Variants in YWHAH observed in about 807,000 individuals in gnomAD.
YWHAH encodes the protein tyrosine 3-monooxygenase/tryptophan 5-monooxygenase activation protein eta, also known as 14-3-3 protein eta.
YWHAH carries 6 observed loss-of-function variants against 22.9 expected under a neutral mutation model. That is an observed-to-expected ratio of 0.26 (90% CI 0.14 to 0.52). YWHAH has a LOEUF of 0.52. Ranked by LOEUF, YWHAH falls within the 20% of genes least tolerant of loss-of-function variation. The pLI, the probability that YWHAH is intolerant of heterozygous loss-of-function variation, is 0.97. For synonymous variants in YWHAH, 135 were observed against 124.5 expected, an observed-to-expected ratio of 1.08 and a Z score of -0.56; for missense variants, 173 against 308.6, an observed-to-expected ratio of 0.56 and a Z score of 3.29.
intron 1 of YWHAH, among the ~76,000 whole-genome samples, chr22:31,953,096 C>A (rs998798751): frequency 1.3e-5 from 2 of 152,196 alleles, no homozygotes; most frequent in African/African-American, 4.8e-5. Context: ...AAATGATATA[C>A]TCTGGGAAGT....
At chr22:31,955,439 C>CTTTTTTTTTTTTTT (rs60830862) in intron 1 of YWHAH, among the ~76,000 whole-genome samples, 2 of 126,728 alleles carry the variant, frequency 1.6e-5, no homozygotes, top group Non-Finnish European at 1.7e-5. Flanking sequence ...TTCAGAGTAT[C>CTTTTTTTTTTTTTT]TTTTTTTTTT....
intron 1 of YWHAH, among the ~76,000 whole-genome samples, chr22:31,951,247 A>G (rs1316508208): frequency 6.6e-6 from 1 of 152,124 alleles, no homozygotes; most frequent in Non-Finnish European, 1.5e-5. Context: ...ATACACGTAC[A>G]CACACACTTC....
intron 1 of YWHAH, among the ~76,000 whole-genome samples, chr22:31,953,109 C>CT (rs2093845373): frequency 6.6e-6 from 1 of 152,252 alleles, no homozygotes. Flanking sequence ...TGGGAAGTTA[C>CT]CTTGGTGTAT....
rs1056608302 is a variant in YWHAH at position 31,944,835 on chromosome 22, A to C, written c.87+15A>C. On this transcript the variant is annotated intron_variant, in intron 1 of 1. Transcript: ENST00000248975. The stretch of plus-strand genomic sequence containing the variant: ...CTATGAAGGCGGTGAGCGCGCCGGG[A>C]GCCCGGGCGGCTGGCCGGGGGGGGC... 51 of 1,360,406 alleles carry C rather than the reference A, an allele frequency of 3.7e-5. No individual in the cohort carries two copies. The highest frequency in any genetic ancestry group is 4.9e-5 in the Non-Finnish European group (51 of 1,049,362). The allele number at this position is 1,360,406 out of a possible 1,614,324, so 84.3% of individuals were successfully genotyped here.
Position 31,956,784 on chromosome 22 carries a change from G to A in YWHAH, c.733G>A (p.Gly245Ser). 6.3e-7 allele frequency: 1 copy of A among 1,594,608 alleles called. No homozygotes were observed. The highest frequency in any genetic ancestry group is 8.5e-7 in the Non-Finnish European group (1 of 1,169,768). The change falls in exon 2 of 2, where the codon GGC becomes AGC. Residue 245 changes from glycine to serine, a missense_variant. Coordinates refer to ENST00000248975, the MANE Select transcript of YWHAH (RefSeq NM_003405.4). This position sits in a 1 kb window ranked among gnomAD's most constrained non-coding sequence, Gnocchi z 5.1. The stretch of plus-strand genomic sequence containing the variant: ...CCAGCAGGATGAAGAAGCAGGAGAA[G>A]GCAACTGAAGATCCTTCAGGTCCCC... ...SDQQDEEAGEGN is the reference protein window; with the variant it reads ...SDQQDEEAGESN
intron 1 of YWHAH, among the ~76,000 whole-genome samples, chr22:31,954,371 G>A (rs905194092): frequency 2.0e-5 from 3 of 151,898 alleles, no homozygotes; most frequent in African/African-American, 7.3e-5. Context: ...TACTTTAGAC[G>A]ACACACCATC....
At position 31,944,574 on chromosome 22, in the gene YWHAH, GGCGCTGCCTGCAGCCTGCAGCCTGCAGC is replaced by G. The variant is rs1362932851; in HGVS notation, c.-159_-132del. The G allele has an allele frequency of 1.8e-5, 6 of 331,986 alleles. No homozygotes were observed. The highest frequency in any genetic ancestry group is 2.4e-5 in the African/African-American group (1 of 42,362). 20.6% of individuals were successfully genotyped at this position (331,986 alleles called of 1,614,324 possible). A position where few individuals can be genotyped will look rare whatever the true frequency, so the allele number is the denominator to read the frequency against. On this transcript the variant is annotated 5_prime_UTR_variant, in exon 1 of 2. Transcript: ENST00000248975. Reference sequence around the variant, plus strand: ...GAGCCAGCGAGAGGGCGCGAGCGGCGGCGCTGCCTGCAGCCTGCAGCCTGCAGCCTCCGGCCGGCCGGCGAGCCAGTGC... The same window carrying G: ...GAGCCAGCGAGAGGGCGCGAGCGGCGCTCCGGCCGGCCGGCGAGCCAGTGC...
At chr22:31,950,385 C>A (rs577610059) in intron 1 of YWHAH, 1 of 779,354 alleles carries the variant, frequency 1.3e-6, no homozygotes, top group African/African-American at 1.7e-5. Flanking sequence ...CTCCTCCCGC[C>A]CCTACTCCTG....
At chr22:31,945,388 T>C (rs1230194326) in intron 1 of YWHAH, 12 of 1,296,826 alleles carry the variant, frequency 9.3e-6, no homozygotes, top group South Asian at 2.5e-5. Flanking sequence ...TCCTGCAGTC[T>C]AGGCGTGGAC....
At chr22:31,948,118 C>T (rs997911443) in intron 1 of YWHAH, among the ~76,000 whole-genome samples, 3 of 152,206 alleles carry the variant, frequency 2.0e-5, no homozygotes, top group Admixed American at 1.3e-4. Context: ...CGTGTAGCCT[C>T]ACCTCCCCGA....
At chr22:31,948,063 A>G (rs538392007) in intron 1 of YWHAH, among the ~76,000 whole-genome samples, 1 of 152,340 alleles carries the variant, frequency 6.6e-6, no homozygotes, top group South Asian at 2.1e-4. Flanking sequence ...ATATATATAT[A>G]GAAATCTTTT....
rs1444333906 is a variant in YWHAH, at chr22:31,945,057, G to A, written c.87+237G>A. 1.8e-5 allele frequency: 20 copies of A among 1,109,842 alleles called. 1 individual carries two copies. Among genetic ancestry groups the A allele is most frequent in the Non-Finnish European group, 1.9e-5 (17 of 909,930 alleles). The allele number at this position is 1,109,842 out of a possible 1,614,324, so 68.7% of individuals were successfully genotyped here. Reference sequence around the variant, plus strand: ...GGTGCAGTTCGGGATCGCGAAGGCAGCCCCGGAAGGGGGGCGGGCCGGTCG... The same window carrying A: ...GGTGCAGTTCGGGATCGCGAAGGCAACCCCGGAAGGGGGGCGGGCCGGTCG... On this transcript the variant is annotated intron_variant, in intron 1 of 1. Coordinates refer to ENST00000248975, the MANE Select transcript of YWHAH (RefSeq NM_003405.4).
chr22:31,947,629 C>CTCTT (rs1481168926), intron 1 of YWHAH: 1 of 386,146 alleles, frequency 2.6e-6, no homozygotes, highest in South Asian at 2.0e-5. Context: ...TCTTCAAGCT[C>CTCTT]TATCTCATAC....
chr22:31,951,930 G>A (rs2093843805), intron 1 of YWHAH, among the ~76,000 whole-genome samples: 2 of 152,154 alleles, frequency 1.3e-5, no homozygotes, highest in South Asian at 4.1e-4. Flanking sequence ...GATTACAGAG[G>A]GTGGGAAGGC....
At chr22:31,948,975 T>G (rs1177935406) in intron 1 of YWHAH, among the ~76,000 whole-genome samples, 2 of 152,136 alleles carry the variant, frequency 1.3e-5, no homozygotes, top group Admixed American at 6.5e-5. Context: ...AAAATGTATT[T>G]TCTTTGGTGG....
chr22:31,950,076 C>CTTTTTTTTTTTTT lies in YWHAH; in HGVS notation c.87+5282_87+5294dup, dbSNP rs557406783. The stretch of plus-strand genomic sequence containing the variant: ...TTGCTTGTTCTGAAGGCTTGGAGGC[C>CTTTTTTTTTTTTT]TTTTTTTTTTTTTTTTTTTTTTTTT... On this transcript the variant is annotated intron_variant, in intron 1 of 1. Coordinates refer to ENST00000248975, the MANE Select transcript of YWHAH (RefSeq NM_003405.4). 4.7e-5 allele frequency among the ~76,000 whole-genome samples: 2 copies of CTTTTTTTTTTTTT among 42,192 alleles called. 1 individual carries two copies. The highest frequency in any genetic ancestry group is 9.8e-5 in the Non-Finnish European group (2 of 20,410). 27.7% of individuals were successfully genotyped at this position (42,192 alleles called of 152,430 possible). A position where few individuals can be genotyped will look rare whatever the true frequency, so the allele number is the denominator to read the frequency against.
rs555329579 is a variant in YWHAH, at chr22:31,956,912, C to G, written c.*120C>G. 2.5e-6 allele frequency: 3 copies of G among 1,216,166 alleles called. No homozygotes were observed. The highest frequency in any genetic ancestry group is 3.0e-5 in the African/African-American group (2 of 65,816). The allele number at this position is 1,216,166 out of a possible 1,614,324, so 75.3% of individuals were successfully genotyped here. Reference sequence around the variant, plus strand: ...TATCTGTATTGGCAGCACAGCTACTCAGATCTGCACTCCTGTCTCTTGGGA... The same window carrying G: ...TATCTGTATTGGCAGCACAGCTACTGAGATCTGCACTCCTGTCTCTTGGGA... On this transcript the variant is annotated 3_prime_UTR_variant, in exon 2 of 2. Transcript: ENST00000248975. The surrounding 1 kb of genome is among the most constrained non-coding windows in gnomAD (Gnocchi z 5.1).
Position 31,944,719 on chromosome 22 carries a change from C to T in YWHAH, c.-15C>T. The T allele has an allele frequency of 1.4e-6, 2 of 1,387,636 alleles. No individual in the cohort carries two copies. The highest frequency in any genetic ancestry group is 1.5e-5 in the African/African-American group (1 of 66,584). The allele number at this position is 1,387,636 out of a possible 1,614,324, so 86.0% of individuals were successfully genotyped here. A position where few individuals can be genotyped will look rare whatever the true frequency, so the allele number is the denominator to read the frequency against. ...AGCGGTGTGAGGCGCGAGGCGAGGC[C>T]GAGCCGCGAGCGACATGGGGGACCG... On this transcript the variant is annotated 5_prime_UTR_variant, in exon 1 of 2. Transcript: ENST00000248975.
chr22:31,954,370 C>T (rs1045062504), intron 1 of YWHAH, among the ~76,000 whole-genome samples: 3 of 152,046 alleles, frequency 2.0e-5, no homozygotes, highest in Admixed American at 6.6e-5. Flanking sequence ...CTACTTTAGA[C>T]GACACACCAT....
Sources: gnomAD v4.1 joint callset for allele counts (sites outside exome capture counted in the v4.1 genomes callset) on GRCh38, gnomAD v4.1.1 for gene constraint, Gnocchi (gnomAD v3.1) non-coding constraint, MANE v1.5 for transcripts, NCBI Gene and HGNC (gene_info 2026-07-23, HGNC 2026-07-21) for gene names.